The following CMSS1 variants were observed in gnomAD, a reference collection of about 807,000 sequenced individuals.
CMSS1 encodes the protein protein CMSS1.
In CMSS1, 33 loss-of-function variants were observed where a neutral mutation model predicts 43.5. The ratio of observed to expected loss-of-function variants is 0.76; its 90% CI spans 0.57 to 1.01. The LOEUF is 1.01. Ranked by LOEUF, CMSS1 falls within the 50% of genes least tolerant of loss-of-function variation. The pLI, the probability that CMSS1 is intolerant of heterozygous loss-of-function variation, is 0.00. For missense variants in CMSS1, 313 were observed against 326.4 expected, an observed-to-expected ratio of 0.96 and a Z score of 0.32; for synonymous variants, 115 against 117.2, an observed-to-expected ratio of 0.98 and a Z score of 0.12.
chr3:100,003,853 A>G (rs1709911944), intron 1 of CMSS1, among the ~76,000 whole-genome samples: 1 of 152,204 alleles, frequency 6.6e-6, no homozygotes, highest in Non-Finnish European at 1.5e-5. Flanking sequence ...CTAACTTTGC[A>G]TGAGTTCAAC....
intron 4 of CMSS1, among the ~76,000 whole-genome samples, chr3:100,163,195 G>A (rs1254057010): frequency 6.6e-6 from 1 of 152,210 alleles, no homozygotes; most frequent in African/African-American, 2.4e-5. Flanking sequence ...AATTCATCAT[G>A]AGGATAGAAG....
intron 1 of CMSS1, among the ~76,000 whole-genome samples, chr3:100,051,744 C>T (rs1179220821): frequency 6.6e-6 from 1 of 151,670 alleles, no homozygotes; most frequent in African/African-American, 2.4e-5. Flanking sequence ...TTTTCTTAAT[C>T]TAGTCGATCA....
intron 1 of CMSS1, among the ~76,000 whole-genome samples, chr3:100,035,698 ATTT>A (rs2065096666): frequency 6.6e-6 from 1 of 152,228 alleles, no homozygotes; most frequent in Non-Finnish European, 1.5e-5. Flanking sequence ...ATATAGGGGT[ATTT>A]CTTGATTACC....
chr3:100,095,699 A>C (rs1007606988), intron 1 of CMSS1, among the ~76,000 whole-genome samples: 3 of 152,212 alleles, frequency 2.0e-5, no homozygotes, highest in Non-Finnish European at 2.9e-5. Flanking sequence ...ACTTTTCAAG[A>C]CATTGGTCTG....
At chr3:100,026,939 C>T (rs2064934240) in intron 1 of CMSS1, among the ~76,000 whole-genome samples, 1 of 152,136 alleles carries the variant, frequency 6.6e-6, no homozygotes, top group African/African-American at 2.4e-5. Flanking sequence ...ACTCTCCGAC[C>T]TCATCTCTGC....
chr3:100,085,902 T>C (rs1251766317), intron 1 of CMSS1, among the ~76,000 whole-genome samples: 5 of 152,268 alleles, frequency 3.3e-5, no homozygotes, highest in Admixed American at 3.3e-4. Flanking sequence ...TGCATTTTAA[T>C]GGATAACTTA....
intron 1 of CMSS1, among the ~76,000 whole-genome samples, chr3:100,144,930 A>AT (rs1341184506): frequency 6.6e-6 from 1 of 151,800 alleles, no homozygotes; most frequent in African/African-American, 2.4e-5. Context: ...GAGTCTTTCT[A>AT]TTTTTTTTAA....
chr3:100,056,408 A>G (rs372056428), intron 1 of CMSS1, among the ~76,000 whole-genome samples: 107 of 152,342 alleles, frequency 7.0e-4, no homozygotes, highest in Middle Eastern at 6.8e-3. Context: ...CTTATTTTAA[A>G]CAAAAGTGAT....
intron 1 of CMSS1, among the ~76,000 whole-genome samples, chr3:100,102,234 T>G (rs1035979312): frequency 6.6e-6 from 1 of 152,150 alleles, no homozygotes; most frequent in Non-Finnish European, 1.5e-5. Context: ...TACAGTCCCA[T>G]CAACAGTGTA....
intron 1 of CMSS1, among the ~76,000 whole-genome samples, chr3:100,139,599 A>G (rs367861638): frequency 9.5e-6 from 1 of 105,458 alleles, no homozygotes; most frequent in Non-Finnish European, 2.0e-5. Context: ...ATGTGTGTGT[A>G]TATATGTGTG....
At chr3:99,996,542 T>C (rs555253404) in intron 1 of CMSS1, among the ~76,000 whole-genome samples, 3 of 152,266 alleles carry the variant, frequency 2.0e-5, no homozygotes, top group African/African-American at 7.2e-5. Context: ...CCAGTACCAA[T>C]TGACTGTATT....
chr3:100,053,173 G>C (rs1164816795), intron 1 of CMSS1, among the ~76,000 whole-genome samples: 2 of 152,114 alleles, frequency 1.3e-5, no homozygotes, highest in Non-Finnish European at 2.9e-5. Flanking sequence ...ACCATAGCAA[G>C]CCTTCTGCCC....
chr3:99,871,110 A>G (rs1178961441), intron 1 of CMSS1, among the ~76,000 whole-genome samples: 7 of 152,200 alleles, frequency 4.6e-5, no homozygotes, highest in Admixed American at 4.6e-4. Context: ...TGCCATACAA[A>G]GCAGATTTCA....
chr3:99,890,019 G>A (rs1386922774), intron 1 of CMSS1, among the ~76,000 whole-genome samples: 1 of 151,772 alleles, frequency 6.6e-6, no homozygotes, highest in Non-Finnish European at 1.5e-5. Context: ...TTCTCTCTGG[G>A]ACCACTTTCC....
At chr3:100,115,424 A>G (rs2066550604) in intron 1 of CMSS1, among the ~76,000 whole-genome samples, 1 of 152,162 alleles carries the variant, frequency 6.6e-6, no homozygotes, top group Non-Finnish European at 1.5e-5. Context: ...CTTTATTTTT[A>G]ATTTTTAACA....
At chr3:100,073,410 A>AT (rs2065794200) in intron 1 of CMSS1, among the ~76,000 whole-genome samples, 1 of 152,194 alleles carries the variant, frequency 6.6e-6, no homozygotes, top group Admixed American at 6.5e-5. Flanking sequence ...CTGTCATGAA[A>AT]GTATACATTT....
intron 1 of CMSS1, among the ~76,000 whole-genome samples, chr3:99,951,862 G>T (rs1265490450): frequency 6.6e-6 from 1 of 152,158 alleles, no homozygotes; most frequent in Admixed American, 6.5e-5. Flanking sequence ...CATGTGAATG[G>T]CTGTGGCTAT....
intron 1 of CMSS1, among the ~76,000 whole-genome samples, chr3:99,987,465 G>C (rs576442461): frequency 1.3e-5 from 2 of 149,900 alleles, no homozygotes; most frequent in East Asian, 3.9e-4. Context: ...GGAGGCAGAG[G>C]TTGCAGTGAG....
chr3:99,979,081 A>G (rs1709048584), intron 1 of CMSS1, among the ~76,000 whole-genome samples: 1 of 152,210 alleles, frequency 6.6e-6, no homozygotes, highest in South Asian at 2.1e-4. Context: ...TCAAATAGCT[A>G]GAAGACAGGA....
Sources: allele counts gnomAD v4.1 joint callset (sites outside exome capture counted in the v4.1 genomes callset), GRCh38; gene constraint gnomAD v4.1.1; transcripts MANE v1.5; gene names NCBI Gene and HGNC (gene_info 2026-07-23, HGNC 2026-07-21).